ITGAM: variants seen among roughly 807,000 people sequenced by gnomAD.
ITGAM encodes the protein integrin subunit alpha M.
ITGAM carries 79 observed loss-of-function variants against 137.5 expected under a neutral mutation model. The observed-to-expected ratio is 0.57, with a 90% CI of 0.48 to 0.69. The LOEUF is 0.69. Among genes scored for constraint, ITGAM ranks in the 30% least tolerant of loss-of-function variants. The probability of loss-of-function intolerance (pLI) is 0.00; values close to 1 mark genes in which losing one functional copy is unlikely to be tolerated. For synonymous variants in ITGAM, 583 were observed against 592.3 expected, an observed-to-expected ratio of 0.98 and a Z score of 0.23; for missense variants, 1,343 against 1,483.5, an observed-to-expected ratio of 0.91 and a Z score of 1.56.
chr16:31,323,461 A>C (rs577479491), intron 16 of ITGAM, among the ~76,000 whole-genome samples: 1 of 152,240 alleles, frequency 6.6e-6, no homozygotes, highest in South Asian at 2.1e-4. Context: ...AACTGATGAA[A>C]GACATCAAGA....
At chr16:31,296,106 CT>C (rs768920728) in intron 12 of ITGAM, among the ~76,000 whole-genome samples, 29,216 of 130,906 alleles carry the variant, frequency 0.22, 4,166 homozygotes, top group African/African-American at 0.43. Flanking sequence ...ATCTTTTTAT[CT>C]TTTTTTTTTT....
At position 31,276,708 on chromosome 16, in the gene ITGAM, G is replaced by A; in HGVS notation, c.1047G>A (p.Glu349=). The A allele has an allele frequency of 1.9e-6, 3 of 1,612,244 alleles. No homozygotes were observed. The highest frequency in any genetic ancestry group is 4.5e-5 in the East Asian group (2 of 44,846). The change falls in exon 10 of 30, where the codon GAG becomes GAA. Residue 349 remains glutamate (E), a synonymous_variant. Transcript: ENST00000544665. The stretch of plus-strand genomic sequence containing the variant: ...GAAGTAGCAGCTCCTTTGAGCATGA[G>A]ATGTCTCAGGAAGGCTTCAGCGCTG... ...QTGSSSSFEH[E]MSQEGFSAAI... is the part of the protein sequence containing the mutation.
At chr16:31,279,935 C>G (rs2079949713) in intron 12 of ITGAM, among the ~76,000 whole-genome samples, 1 of 152,118 alleles carries the variant, frequency 6.6e-6, no homozygotes, top group African/African-American at 2.4e-5. Flanking sequence ...AGGAAGGGAT[C>G]CAGTTTCAGC....
At chr16:31,330,975 A>C (rs957154701) in intron 28 of ITGAM, among the ~76,000 whole-genome samples, 190 bp from the exon 29 acceptor site, 2 of 151,134 alleles carry the variant, frequency 1.3e-5, no homozygotes, top group Non-Finnish European at 2.9e-5. Flanking sequence ...AAAGCGATAG[A>C]GAGAGATAGA....
intron 6 of ITGAM, among the ~76,000 whole-genome samples, chr16:31,271,635 G>A (rs1447425774): frequency 6.6e-6 from 1 of 152,236 alleles, no homozygotes; most frequent in Non-Finnish European, 1.5e-5. Flanking sequence ...TTACAGGTGT[G>A]AGCCACTGCT....
At chr16:31,301,838 A>G (rs2080200124) in intron 14 of ITGAM, among the ~76,000 whole-genome samples, 1 of 152,208 alleles carries the variant, frequency 6.6e-6, no homozygotes, top group South Asian at 2.1e-4. Context: ...TGTATCACCC[A>G]TATCATGGCT....
At position 31,262,330 on chromosome 16, in the gene ITGAM, CCCTTCCAT is replaced by C. The variant is rs1345251325; in HGVS notation, c.134+540_134+547del. ...CTTTCCCTCCTTCCCTCCCTTCCCT[CCCTTCCAT>C]CCTTCCTTCCTTCCTTCCTTCCTTC... On this transcript the variant is annotated intron_variant, in intron 2 of 29. Transcript: ENST00000544665. Among the ~76,000 whole-genome samples the C allele has an allele frequency of 5.4e-3, 640 of 118,860 alleles. 18 individuals are homozygous for C. Among genetic ancestry groups the C allele is most frequent in the African/African-American group, 0.019 (562 of 28,852 alleles). 78.0% of individuals were successfully genotyped at this position (118,860 alleles called of 152,430 possible).
At chr16:31,270,099 G>T (rs1353767247) in intron 5 of ITGAM, among the ~76,000 whole-genome samples, 1 of 137,684 alleles carries the variant, frequency 7.3e-6, no homozygotes, top group African/African-American at 3.0e-5. Flanking sequence ...TGTATATCTG[G>T]CAAATCCTTC....
At chr16:31,308,353 C>T (rs996785014) in intron 14 of ITGAM, among the ~76,000 whole-genome samples, 3 of 152,104 alleles carry the variant, frequency 2.0e-5, no homozygotes, top group Non-Finnish European at 4.4e-5. Flanking sequence ...TTCAGAGATT[C>T]AGCTTCTTCC....
In ITGAM at chr16:31,260,739, G is replaced by A. The variant is rs1295362650; in HGVS notation, c.28+647G>A. ...CAGAGCAGGACTGGACGTGCCCCAC[G>A]ACGGTGGTTCTTAGGTCAGGAGTCA... On this transcript the variant is annotated intron_variant, in intron 1 of 29. Transcript: ENST00000544665. Among the ~76,000 whole-genome samples the A allele has an allele frequency of 2.0e-5, 3 of 152,188 alleles. No individual in the cohort carries two copies. The South Asian group carries it at 6.2e-4, about 31-fold the overall frequency.
intron 5 of ITGAM, among the ~76,000 whole-genome samples, chr16:31,269,963 C>T (rs1486799249): frequency 1.3e-5 from 2 of 152,162 alleles, no homozygotes; most frequent in East Asian, 3.8e-4. Flanking sequence ...AGGTTGACCT[C>T]CCAGGCCACA....
intron 16 of ITGAM, among the ~76,000 whole-genome samples, chr16:31,322,937 G>T (rs1057511049): frequency 4.6e-5 from 7 of 151,702 alleles, no homozygotes; most frequent in African/African-American, 1.7e-4. Flanking sequence ...GCGATAAAAA[G>T]AAAGAAAAAT....
chr16:31,289,157 G>A (rs2080060374), intron 12 of ITGAM, among the ~76,000 whole-genome samples: 1 of 152,144 alleles, frequency 6.6e-6, no homozygotes, highest in African/African-American at 2.4e-5. Flanking sequence ...ACTGTTGGTG[G>A]GACTGTAAAC....
rs2080563539 is a variant in ITGAM at position 31,330,313 on chromosome 16, C to T, written c.3066C>T (p.Cys1022=). Residue 1022 remains cysteine, a synonymous_variant, in exon 27 of 30, where the codon TGC becomes TGT. Transcript: ENST00000544665. Reference sequence around the variant, plus strand: ...TCCCCTCCTGCGTTCCCCAGAACTGCTCCATCGCTGTCTGCCAGAGAATCC... The same window carrying T: ...TCCCCTCCTGCGTTCCCCAGAACTGTTCCATCGCTGTCTGCCAGAGAATCC... ...AELRKAPVVN[C]SIAVCQRIQC... The T allele has an allele frequency of 1.2e-6, 2 of 1,613,392 alleles. No individual in the cohort carries two copies. The highest frequency in any genetic ancestry group is 2.7e-5 in the African/African-American group (2 of 74,938).
intron 12 of ITGAM, among the ~76,000 whole-genome samples, chr16:31,287,723 A>G (rs1165566514): frequency 6.6e-6 from 1 of 152,024 alleles, no homozygotes; most frequent in Non-Finnish European, 1.5e-5. Context: ...TGATACCTGA[A>G]CAGCTTGTCA....
At chr16:31,290,179 C>A (rs189158631) in intron 12 of ITGAM, among the ~76,000 whole-genome samples, 6 of 151,446 alleles carry the variant, frequency 4.0e-5, no homozygotes, top group Admixed American at 3.3e-4. Context: ...GGAGGGTTCA[C>A]ACTTTCCAAT....
intron 5 of ITGAM, among the ~76,000 whole-genome samples, chr16:31,267,428 T>G (rs1596971512): frequency 1.3e-5 from 2 of 152,120 alleles, no homozygotes; most frequent in South Asian, 4.1e-4. Flanking sequence ...TATTTTATCT[T>G]AATAAGCGGT....
intron 14 of ITGAM, among the ~76,000 whole-genome samples, chr16:31,307,972 C>G (rs1347377971): frequency 3.9e-5 from 6 of 152,066 alleles, no homozygotes; most frequent in African/African-American, 7.2e-5. Flanking sequence ...GTATGTTGAA[C>G]CAGCCTTGCA....
At chr16:31,317,800 T>A (rs2080407656) in intron 14 of ITGAM, among the ~76,000 whole-genome samples, 1 of 152,202 alleles carries the variant, frequency 6.6e-6, no homozygotes, top group Admixed American at 6.5e-5. Flanking sequence ...TTTTGTGCTA[T>A]TGAATTCAGT....
Sources: gnomAD v4.1 joint callset for allele counts (sites outside exome capture counted in the v4.1 genomes callset) on GRCh38, gnomAD v4.1.1 for gene constraint, MANE v1.5 for transcripts, NCBI Gene and HGNC (gene_info 2026-07-23, HGNC 2026-07-21) for gene names.